Variants in TMEM92 observed in about 807,000 individuals in gnomAD.
TMEM92 encodes transmembrane protein 92.
In TMEM92, 15 loss-of-function variants were observed where a neutral mutation model predicts 14.6. That is an observed-to-expected ratio of 1.03 (90% CI 0.69 to 1.58). TMEM92 has a LOEUF of 1.58. Among genes scored for constraint, TMEM92 ranks in the 40% most tolerant of loss-of-function variants. The pLI is 0.00. For missense variants in TMEM92, 174 were observed against 202.4 expected (o/e 0.86, Z 0.85); for synonymous variants, 85 against 83.3 (o/e 1.02, Z -0.11).
chr17:50,275,292 G>A (rs1910392860), intron 1 of TMEM92, among the ~76,000 whole-genome samples: 1 of 152,088 alleles, frequency 6.6e-6, no homozygotes, highest in Non-Finnish European at 1.5e-5. Context: ...GAACCGGAGG[G>A]AAGTCAGGGT....
chr17:50,272,936 G>C (rs1180125649), upstream of TMEM92, among the ~76,000 whole-genome samples: 1 of 152,050 alleles, frequency 6.6e-6, no homozygotes, highest in Non-Finnish European at 1.5e-5. Context: ...GGAAGAAACC[G>C]AAACAGAAAA....
intron 2 of TMEM92, 39 bp downstream of exon 2, chr17:50,277,779 G>T (rs1039452786): frequency 1.2e-6 from 2 of 1,613,532 alleles, no homozygotes; most frequent in African/African-American, 2.7e-5. Flanking sequence ...TGGGGAGCGG[G>T]GAGGAGCAAC....
At chr17:50,278,779 C>T (rs1910513811) in intron 3 of TMEM92, 22 bp from the exon 4 acceptor site, 1 of 1,597,500 alleles carries the variant, frequency 6.3e-7, no homozygotes, top group East Asian at 2.2e-5. Context: ...ACTCAGGGTA[C>T]TCTTGGTGGT....
chr17:50,274,228 A>G (rs1218683900), upstream of TMEM92, among the ~76,000 whole-genome samples: 2 of 152,056 alleles, frequency 1.3e-5, no homozygotes, highest in African/African-American at 4.8e-5. Context: ...TGATCCTCCC[A>G]AAGTGCTGGT....
In TMEM92 at chr17:50,279,679, T is replaced by C; in HGVS notation, c.*371T>C. The C allele has an allele frequency of 3.4e-6, 1 of 296,874 alleles. No homozygotes were observed. Among genetic ancestry groups the C allele is most frequent in the South Asian group, 2.9e-5 (1 of 35,024 alleles). 18.4% of individuals were successfully genotyped at this position (296,874 alleles called of 1,614,324 possible). A position where few individuals can be genotyped will look rare whatever the true frequency, so the allele number is the denominator to read the frequency against. ...AGCTCTGAGATTTTATCAGGGCACT[T>C]CTATACCTGTGGGACATTGGACTGG... On this transcript the variant is annotated 3_prime_UTR_variant, in exon 5 of 5. Coordinates refer to ENST00000507382, the MANE Select transcript of TMEM92 (RefSeq NM_153229.3).
rs1259367412 is a variant in TMEM92 at position 50,278,919 on chromosome 17, C to T, written c.289C>T (p.Pro97Ser). The change falls in exon 4 of 5, where the codon CCC becomes TCC. Residue 97 changes from proline to serine, a missense_variant. By Grantham distance (74) the Pro-to-Ser change is moderately conservative (BLOSUM62 -1). Coordinates refer to ENST00000507382, the MANE Select transcript of TMEM92 (RefSeq NM_153229.3). The part of the protein sequence containing the change: ...EPDSPVDCRG[P>S]LELPSIIPPE... Reference sequence around the variant, plus strand: ...AGACAGCCCAGTGGATTGCCGGGGGCCCCTGGAACTGCCCTCCATCATCCC... The same window carrying T: ...AGACAGCCCAGTGGATTGCCGGGGGTCCCTGGAACTGCCCTCCATCATCCC... 10 of 1,613,386 alleles carry T rather than the reference C, an allele frequency of 6.2e-6. No individual in the cohort carries two copies. In the Admixed American group the frequency reaches 1.3e-4, roughly 22 times the overall value.
At chr17:50,277,608 TG>T in intron 1 of TMEM92, 106 bp from the exon 2 acceptor site, 1 of 1,339,266 alleles carries the variant, frequency 7.5e-7, no homozygotes. Flanking sequence ...CTGAGTCTAC[TG>T]GGGACCTGCT....
Position 50,279,650 on chromosome 17 carries a change from A to G in TMEM92, c.*342A>G, listed in dbSNP as rs1201347119. The stretch of plus-strand genomic sequence containing the variant: ...GGAGGTATGCAAATCTTGACTGGAC[A>G]GCCAGCTCTGAGATTTTATCAGGGC... On this transcript the variant is annotated 3_prime_UTR_variant, in exon 5 of 5. Transcript: ENST00000507382. The G allele has an allele frequency of 3.2e-6, 1 of 315,492 alleles. No homozygotes were observed. The highest frequency in any genetic ancestry group is 5.0e-5 in the Admixed American group (1 of 19,872). The allele number at this position is 315,492 out of a possible 1,614,324, so 19.5% of individuals were successfully genotyped here.
chr17:50,280,135 T>A lies in TMEM92; in HGVS notation c.*827T>A, dbSNP rs1195889763. 6.6e-6 allele frequency: 1 copy of A among 152,098 alleles called. No homozygotes were observed. Among genetic ancestry groups the A allele is most frequent in the East Asian group, 1.9e-4 (1 of 5,188 alleles). The allele number at this position is 152,098 out of a possible 1,614,324, so 9.4% of individuals were successfully genotyped here. On this transcript the variant is annotated 3_prime_UTR_variant, in exon 5 of 5. Transcript: ENST00000507382. ...TCTCTGGCTGTCTTACCATGAGAAG[T>A]TGGTAAGTTGGCTGTGAGGGGGTTG...
chr17:50,273,969 GTTAT>G (rs3062755), upstream of TMEM92, among the ~76,000 whole-genome samples: 81,521 of 150,242 alleles, frequency 0.54, 23,344 homozygotes, highest in East Asian at 0.81. Context: ...TTAAATTTAG[GTTAT>G]TTATTTATTT....
rs917445350 is a variant in TMEM92, at chr17:50,278,873, C to T, written c.243C>T (p.Arg81=). ...CICGLAKCFC[R]NCREPEPDSP... is the part of the protein sequence containing the mutation. ...GTGGCCTGGCTAAGTGCTTCTGTCG[C>T]AACTGCAGAGAGCCGGAGCCAGACA... The change falls in exon 4 of 5, where the codon CGC becomes CGT. Residue 81 remains arginine, a synonymous_variant. Coordinates refer to ENST00000507382, the MANE Select transcript of TMEM92 (RefSeq NM_153229.3). 1.2e-6 allele frequency: 2 copies of T among 1,613,818 alleles called. No homozygotes were observed. Among genetic ancestry groups the T allele is most frequent in the African/African-American group, 1.3e-5 (1 of 74,968 alleles).
Position 50,278,954 on chromosome 17 carries a change from G to A in TMEM92, c.324G>A (p.Arg108=). Residue 108 remains arginine, a synonymous_variant, in exon 4 of 5, where the codon AGG becomes AGA. Coordinates refer to ENST00000507382, the MANE Select transcript of TMEM92 (RefSeq NM_153229.3). ...LELPSIIPPE[R]VRVSLSAPPP... ...TGCCCTCCATCATCCCCCCAGAGAG[G>A]GTCAGAGTATCCCTTTCTGCGCCCC... The A allele has an allele frequency of 3.1e-6, 5 of 1,612,860 alleles. No individual in the cohort carries two copies. In the South Asian group the frequency reaches 4.4e-5, roughly 14 times the overall value.
At chr17:50,272,544 G>A (rs897348382), upstream of TMEM92, among the ~76,000 whole-genome samples, 3 of 152,182 alleles carry the variant, frequency 2.0e-5, no homozygotes, top group East Asian at 5.8e-4. Context: ...CCCCTGCCAA[G>A]GTCCACCTGC....
Position 50,280,770 on chromosome 17 carries a change from A to C in TMEM92, c.*1462A>C, listed in dbSNP as rs1352600560. ...AGCCCCAAAGATGCCAGGAACAGGG[A>C]CTGTCCGGGTGTGGGTTCCCAGTGA... On this transcript the variant is annotated 3_prime_UTR_variant, in exon 5 of 5. Coordinates refer to ENST00000507382, the MANE Select transcript of TMEM92 (RefSeq NM_153229.3). 1 of 152,462 alleles carries C rather than the reference A, an allele frequency of 6.6e-6. No individual in the cohort carries two copies. The highest frequency in any genetic ancestry group is 1.5e-5 in the Non-Finnish European group (1 of 68,264). 9.4% of individuals were successfully genotyped at this position (152,462 alleles called of 1,614,324 possible).
At position 50,278,798 on chromosome 17, in the gene TMEM92, C is replaced by G. The variant is rs1382140448; in HGVS notation, c.171-3C>G. 2.5e-6 allele frequency: 4 copies of G among 1,608,060 alleles called. No homozygotes were observed. The African/African-American group carries it at 5.4e-5, about 22-fold the overall frequency. On this transcript the variant is annotated splice_region_variant and splice_polypyrimidine_tract_variant and intron_variant, in intron 3 of 4. Transcript: ENST00000507382. ...AGGGTACTCTTGGTGGTCCCCACCC[C>G]AGGATCTTCGTCATCATCTTCCTGG...
At chr17:50,275,536 GAGATTT>G (rs1254349652) in intron 1 of TMEM92, among the ~76,000 whole-genome samples, 1 of 152,014 alleles carries the variant, frequency 6.6e-6, no homozygotes, top group Non-Finnish European at 1.5e-5. Flanking sequence ...TAAGTAAGCT[GAGATTT>G]ACTTACTCCC....
At chr17:50,271,969 G>A (rs931351012), upstream of TMEM92, among the ~76,000 whole-genome samples, 2 of 152,140 alleles carry the variant, frequency 1.3e-5, no homozygotes, top group Non-Finnish European at 1.5e-5. Flanking sequence ...GAATCTGGGA[G>A]GTGGAGGTTG....
At chr17:50,274,461 G>C (rs1038319205), upstream of TMEM92, 41 of 1,608,712 alleles carry the variant, frequency 2.5e-5, no homozygotes, top group Non-Finnish European at 2.6e-5. Flanking sequence ...TCGCAGCCCC[G>C]CCTTCTCTAC....
chr17:50,274,729 G>A (rs937928798), intron 1 of TMEM92, 159 bp downstream of exon 1: 7 of 679,566 alleles, frequency 1.0e-5, no homozygotes, highest in Non-Finnish European at 1.7e-5. Context: ...AGGTGGAGGT[G>A]GGGGCAGCGG....
Sources: allele counts gnomAD v4.1 joint callset (sites outside exome capture counted in the v4.1 genomes callset), GRCh38; gene constraint gnomAD v4.1.1; transcripts MANE v1.5; gene names NCBI Gene and HGNC (gene_info 2026-07-23, HGNC 2026-07-21).